Variants in ITSN1 observed in about 807,000 individuals in gnomAD.
The protein encoded by ITSN1 is intersectin 1, also known as intersectin-1.
Under a neutral mutation model 239.8 loss-of-function variants are expected in ITSN1, and 58 were observed. The ratio of observed to expected loss-of-function variants is 0.24; its 90% CI spans 0.20 to 0.30. ITSN1 has a LOEUF of 0.30. ITSN1 is among the 10% of genes least tolerant of loss of function. The probability of loss-of-function intolerance (pLI) is 1.00; values close to 1 mark genes in which losing one functional copy is unlikely to be tolerated. For missense variants in ITSN1, 1,558 were observed against 2,103.3 expected (o/e 0.74, Z 5.07); for synonymous variants, 780 against 770.8 (o/e 1.01, Z -0.20).
intron 14 of ITSN1, among the ~76,000 whole-genome samples, chr21:33,778,259 T>G (rs1282834429): frequency 6.6e-6 from 1 of 152,186 alleles, no homozygotes. Flanking sequence ...TCTTCTAATA[T>G]TCTTGTCTAG....
intron 1 of ITSN1, among the ~76,000 whole-genome samples, chr21:33,677,362 A>G (rs1217168519): frequency 6.7e-6 from 1 of 149,700 alleles, no homozygotes; most frequent in Non-Finnish European, 1.5e-5. Context: ...TTTTTTTAAG[A>G]CAGAGTCTCA....
intron 15 of ITSN1, 97 bp downstream of exon 15, chr21:33,781,645 A>G (rs879702326): frequency 4.3e-6 from 3 of 705,836 alleles, no homozygotes; most frequent in East Asian, 3.0e-5. Flanking sequence ...CAGTGGCGCA[A>G]TCTCGGCCAA....
intron 1 of ITSN1, among the ~76,000 whole-genome samples, chr21:33,702,904 C>T (rs1601726814): frequency 6.6e-6 from 1 of 152,024 alleles, no homozygotes; most frequent in South Asian, 2.1e-4. Context: ...ATGGTGAAAC[C>T]CTGTCTCTAC....
At chr21:33,810,792 T>G in intron 20 of ITSN1, 183 bp from the exon 21 acceptor site, 1 of 780,988 alleles carries the variant, frequency 1.3e-6, no homozygotes, top group Admixed American at 1.9e-5. Context: ...TGAATTATAG[T>G]GCATTTTTTT....
intron 29 of ITSN1, among the ~76,000 whole-genome samples, chr21:33,842,495 G>GGTGTGTGTGTGT (rs34019939): frequency 3.8e-4 from 57 of 148,168 alleles, no homozygotes; most frequent in African/African-American, 1.3e-3. Flanking sequence ...TGATGTCAAC[G>GGTGTGTGTGTGT]GTGTGTGTGT....
chr21:33,725,133 GTTTTT>G (rs1171718411), intron 4 of ITSN1, among the ~76,000 whole-genome samples: 5 of 91,180 alleles, frequency 5.5e-5, no homozygotes, highest in African/African-American at 2.3e-4. Context: ...TTTTTTTTTT[GTTTTT>G]TTTTTTTTTT....
chr21:33,652,972 C>T (rs1159169922), intron 1 of ITSN1, among the ~76,000 whole-genome samples: 1 of 150,900 alleles, frequency 6.6e-6, no homozygotes, highest in African/African-American at 2.4e-5. Flanking sequence ...CTATAATCCA[C>T]TTAAAGTACT....
intron 29 of ITSN1, chr21:33,837,707 A>G: frequency 1.0e-6 from 1 of 985,922 alleles, no homozygotes; most frequent in Non-Finnish European, 1.2e-6. Flanking sequence ...ATTACCTTGT[A>G]CGATGCTCTA....
chr21:33,741,348 T>G (rs2066836399), intron 5 of ITSN1, among the ~76,000 whole-genome samples: 1 of 152,178 alleles, frequency 6.6e-6, no homozygotes, highest in African/African-American at 2.4e-5. Flanking sequence ...AAAAATATAG[T>G]TATCAAATAA....
chr21:33,881,065 G>A (rs1984823252), intron 34 of ITSN1, among the ~76,000 whole-genome samples: 1 of 152,128 alleles, frequency 6.6e-6, no homozygotes, highest in Admixed American at 6.5e-5. Context: ...GAGGTTTCAT[G>A]TGCGCAGTAC....
chr21:33,836,363 A>G, intron 28 of ITSN1, 78 bp from the exon 29 acceptor site: 1 of 1,017,514 alleles, frequency 9.8e-7, no homozygotes, highest in Non-Finnish European at 1.4e-6. Flanking sequence ...GTAGCTGGGA[A>G]TGTTGAATGG....
intron 29 of ITSN1, among the ~76,000 whole-genome samples, chr21:33,842,151 T>G (rs2074845802): frequency 6.6e-6 from 1 of 151,974 alleles, no homozygotes; most frequent in Non-Finnish European, 1.5e-5. Flanking sequence ...TGCCTCGGCC[T>G]CCCAAAGTGC....
chr21:33,702,204 C>T (rs542555548), intron 1 of ITSN1, among the ~76,000 whole-genome samples: 2 of 88,380 alleles, frequency 2.3e-5, no homozygotes, highest in Non-Finnish European at 4.6e-5. Context: ...CAGCCTCCGC[C>T]TCCCAGGTTC....
At chr21:33,679,294 C>A (rs148549731) in intron 1 of ITSN1, among the ~76,000 whole-genome samples, 1 of 152,150 alleles carries the variant, frequency 6.6e-6, no homozygotes, top group Non-Finnish European at 1.5e-5. Flanking sequence ...TGTAAACGTT[C>A]TAGTTGATGA....
At position 33,766,355 on chromosome 21, in the gene ITSN1, CTTGTGAA is replaced by C. The variant is rs2068718493; in HGVS notation, c.926+346_926+352del. ...TAGAGAAGAAACCAAGGAGATCACA[CTTGTGAA>C]TTCCACACATTTCAGTGGTAACAAA... On this transcript the variant is annotated intron_variant, in intron 10 of 39. Transcript: ENST00000381318. Among the ~76,000 whole-genome samples the C allele has an allele frequency of 2.6e-5, 4 of 152,212 alleles. No individual in the cohort carries two copies. The South Asian group carries it at 8.3e-4, about 32-fold the overall frequency.
intron 24 of ITSN1, among the ~76,000 whole-genome samples, chr21:33,820,434 G>A (rs1206337643): frequency 6.6e-6 from 1 of 152,182 alleles, no homozygotes; most frequent in African/African-American, 2.4e-5. Context: ...TGGGTTCCTT[G>A]AATACATTAC....
At chr21:33,802,294 T>A in intron 19 of ITSN1, 136 bp from the exon 20 acceptor site, 1 of 795,002 alleles carries the variant, frequency 1.3e-6, no homozygotes, top group Non-Finnish European at 2.1e-6. Context: ...CTAGGCCTGT[T>A]GAAACCTTTT....
intron 30 of ITSN1, 92 bp downstream of exon 30, chr21:33,856,949 G>A: frequency 7.9e-7 from 1 of 1,272,246 alleles, no homozygotes; most frequent in Non-Finnish European, 1.1e-6. Context: ...TCCTGATTCT[G>A]AGCCCAAGAA....
chr21:33,845,550 C>G (rs1404092007), intron 29 of ITSN1, among the ~76,000 whole-genome samples: 3 of 152,074 alleles, frequency 2.0e-5, no homozygotes, highest in Admixed American at 6.6e-5. Context: ...TGATCTGCCC[C>G]CTTCTCCAGC....
Sources: allele counts gnomAD v4.1 joint callset (sites outside exome capture counted in the v4.1 genomes callset), GRCh38; gene constraint gnomAD v4.1.1; transcripts MANE v1.5; gene names NCBI Gene and HGNC (gene_info 2026-07-23, HGNC 2026-07-21).